Variants in CHD9 observed in about 807,000 individuals in gnomAD.
CHD9 encodes chromodomain helicase DNA binding protein 9, also known as ATP-dependent chromatin remodeler CHD9.
CHD9 carries 77 observed loss-of-function variants against 316.1 expected under a neutral mutation model. That is an observed-to-expected ratio of 0.24 (90% CI 0.20 to 0.29). The LOEUF (loss-of-function observed/expected upper bound fraction) is 0.29, where lower values mean the gene tolerates loss of function less well. CHD9 is among the 10% of genes least tolerant of loss of function. CHD9 has a pLI of 1.00. For synonymous variants in CHD9, 1,129 were observed against 1,158.3 expected (o/e 0.97, Z 0.51); for missense variants, 2,763 against 3,438.1 (o/e 0.80, Z 4.91).
chr16:53,208,523 A>AAG, intron 2 of CHD9: 5 of 1,057,452 alleles, frequency 4.7e-6, no homozygotes, highest in Non-Finnish European at 5.8e-6. Context: ...TGTAGGCCTT[A>AAG]AGGTGGCATT....
intron 2 of CHD9, among the ~76,000 whole-genome samples, chr16:53,162,990 C>CA (rs530807070): frequency 3.3e-5 from 5 of 151,608 alleles, no homozygotes; most frequent in Non-Finnish European, 7.4e-5. Flanking sequence ...AGGCTGGACT[C>CA]AAACTTCTGG....
chr16:53,114,808 C>G lies in CHD9; in HGVS notation c.-164-41118C>G, dbSNP rs2038162663. ...TTCACCGTGTTAGCCAGGATGGTCTCGATCTCCTGACCTCGTGATCCGCCC... is the reference window on the plus strand; with the variant it reads ...TTCACCGTGTTAGCCAGGATGGTCTGGATCTCCTGACCTCGTGATCCGCCC... On this transcript the variant is annotated intron_variant, in intron 1 of 38. Coordinates refer to ENST00000447540, the MANE Select transcript of CHD9 (RefSeq NM_001308319.2). 2.0e-5 allele frequency among the ~76,000 whole-genome samples: 3 copies of G among 149,960 alleles called. No homozygotes were observed. In the South Asian group the frequency reaches 6.3e-4, roughly 32 times the overall value.
intron 1 of CHD9, among the ~76,000 whole-genome samples, chr16:53,138,468 A>G (rs2039878045): frequency 6.6e-6 from 1 of 152,198 alleles, no homozygotes; most frequent in African/African-American, 2.4e-5. Flanking sequence ...ATGAATCAGA[A>G]AAGGAAGGAA....
Position 53,321,542 on chromosome 16 carries a change from C to T in CHD9, c.7730C>T (p.Ala2577Val). 6.5e-7 allele frequency: 1 copy of T among 1,543,224 alleles called. No homozygotes were observed. The highest frequency in any genetic ancestry group is 8.8e-7 in the Non-Finnish European group (1 of 1,138,634). ...AATTTACAGGTTGGAGGTGCATTTG[C>T]TCCCCCTTTGAAAGATTTATGTAGA... ...RNARKVGGAF[A>V]PPLKDLCRFL... The change falls in exon 38 of 39, where the codon GCT becomes GTT. Residue 2577 changes from alanine to valine, a missense_variant. Ala to Val is a moderately conservative substitution (Grantham distance 64, BLOSUM62 0). Around this residue, in one of 15 missense-constraint regions of CHD9, gnomAD observed 298 missense variants for 380.2 expected, o/e 0.78. Coordinates refer to ENST00000447540, the MANE Select transcript of CHD9 (RefSeq NM_001308319.2).
At chr16:53,119,865 A>C (rs2038602763) in intron 1 of CHD9, among the ~76,000 whole-genome samples, 1 of 151,932 alleles carries the variant, frequency 6.6e-6, no homozygotes, top group Non-Finnish European at 1.5e-5. Context: ...CAAGTCAAGA[A>C]ATGTCCAGGG....
chr16:53,163,230 G>A (rs2042042160), intron 2 of CHD9, among the ~76,000 whole-genome samples: 1 of 151,780 alleles, frequency 6.6e-6, no homozygotes, highest in Non-Finnish European at 1.5e-5. Flanking sequence ...TTTTTGTTGA[G>A]ACGGAGTTTC....
chr16:53,229,442 A>G (rs62049766), intron 8 of CHD9, among the ~76,000 whole-genome samples: 36,412 of 151,974 alleles, frequency 0.24, 4,699 homozygotes, highest in Middle Eastern at 0.32. Context: ...GGAAAATAAG[A>G]TTTTTCAGTA....
At chr16:53,293,562 G>A (rs1250604329) in intron 29 of CHD9, among the ~76,000 whole-genome samples, 1 of 152,158 alleles carries the variant, frequency 6.6e-6, no homozygotes, top group East Asian at 1.9e-4. Context: ...GCTGCAGTGA[G>A]ATGTGATTGT....
intron 35 of CHD9, 95 bp downstream of exon 35, chr16:53,314,611 T>C: frequency 9.0e-7 from 1 of 1,110,434 alleles, no homozygotes; most frequent in East Asian, 2.6e-5. Flanking sequence ...TTATAGACTA[T>C]TAGTAAGGAA....
rs181627356 is a variant in CHD9 at position 53,322,776 on chromosome 16, G to A, written c.7818+1146G>A. ...AAGGGCAGGCTATAAAACTAAGTTC[G>A]CTGTGATTCTATTTTTTTTGTTTCA... On this transcript the variant is annotated intron_variant, in intron 38 of 38. Coordinates refer to ENST00000447540, the MANE Select transcript of CHD9 (RefSeq NM_001308319.2). Among the ~76,000 whole-genome samples the A allele has an allele frequency of 1.2e-4, 18 of 152,154 alleles. No homozygotes were observed. The East Asian group carries it at 3.1e-3, about 26-fold the overall frequency.
intron 2 of CHD9, among the ~76,000 whole-genome samples, chr16:53,202,291 C>T (rs1393877866): frequency 6.6e-6 from 1 of 152,134 alleles, no homozygotes; most frequent in Non-Finnish European, 1.5e-5. Flanking sequence ...TTTATTTTTA[C>T]AGTTGGCTGG....
Position 53,156,967 on chromosome 16 carries a change from T to C in CHD9, c.878T>C (p.Leu293Pro). ...AGTCTACTTCAGTCCTCTGCAGTTC[T>C]TGCATCTAATCATACAAATCAGACT... ...PNSLLQSSAVLASNHTNQTLS... is the reference protein window; with the variant it reads ...PNSLLQSSAVPASNHTNQTLS... Residue 293 changes from leucine (L) to proline (P), a missense_variant, in exon 2 of 39, where the codon CTT becomes CCT. By Grantham distance (98) the Leu-to-Pro change is moderately conservative. Around this residue, in one of 15 missense-constraint regions of CHD9, gnomAD observed 859 missense variants for 890.4 expected, o/e 0.96. Transcript: ENST00000447540. 1 of 1,613,042 alleles carries C rather than the reference T, an allele frequency of 6.2e-7. No homozygotes were observed. The highest frequency in any genetic ancestry group is 1.1e-5 in the South Asian group (1 of 91,060).
rs72797685 is a variant in CHD9 at position 53,185,055 on chromosome 16, G to A, written c.1453-24427G>A. Among the ~76,000 whole-genome samples, 445 of 152,308 alleles carry A rather than the reference G, an allele frequency of 2.9e-3. 11 individuals carry two copies. In the East Asian group the frequency reaches 0.075, roughly 26 times the overall value. ...GTTTTGGGAAGTTCTTTATAGCAAT[G>A]TGAGAACAAACTAATACAGTAAATT... On this transcript the variant is annotated intron_variant, in intron 2 of 38. Transcript: ENST00000447540.
chr16:53,307,324 A>G (rs1360931312), intron 32 of CHD9, among the ~76,000 whole-genome samples: 5 of 152,050 alleles, frequency 3.3e-5, no homozygotes, highest in Non-Finnish European at 7.4e-5. Context: ...GCTGGAGTAT[A>G]GTGGCACAAT....
In CHD9 at chr16:53,074,841, G is replaced by A. The variant is rs912111359; in HGVS notation, c.-165+19764G>A. Among the ~76,000 whole-genome samples the A allele has an allele frequency of 4.6e-5, 7 of 152,248 alleles. No homozygotes were observed. The East Asian group carries it at 1.2e-3, about 25-fold the overall frequency. ...ACCTCTGCTAGGGCAGTGCAGAAGG[G>A]AAATGTGAGGTTGGAGCCCCCACAC... On this transcript the variant is annotated intron_variant, in intron 1 of 38. Transcript: ENST00000447540.
intron 1 of CHD9, among the ~76,000 whole-genome samples, chr16:53,064,277 A>T (rs1165535932): frequency 1.3e-5 from 2 of 152,040 alleles, no homozygotes; most frequent in Non-Finnish European, 2.9e-5. Flanking sequence ...AGTTCCTTCT[A>T]CTAGTTTCTG....
At position 53,285,643 on chromosome 16, in the gene CHD9, C is replaced by G; in HGVS notation, c.5015C>G (p.Ala1672Gly). ...GAACCAGACCACTCAGAAGTTCCTG[C>G]TGAGTGGTGGGATTTTGATGCTGAT... ...VPEPDHSEVP[A>G]EWWDFDADKS... The change falls in exon 25 of 39, where the codon GCT becomes GGT. Residue 1672 changes from alanine (A) to glycine (G), a missense_variant. Ala to Gly is a moderately conservative substitution (Grantham distance 60). Transcript: ENST00000447540. 1 of 1,607,682 alleles carries G rather than the reference C, an allele frequency of 6.2e-7. No homozygotes were observed.
chr16:53,155,836 C>G, intron 1 of CHD9, 90 bp from the exon 2 acceptor site: 1 of 420,540 alleles, frequency 2.4e-6, no homozygotes, highest in Non-Finnish European at 4.2e-6. Context: ...TGACCTCTTT[C>G]ACTTAGCATA....
At chr16:53,299,214 C>T (rs922617841) in intron 30 of CHD9, 1 of 155,354 alleles carries the variant, frequency 6.4e-6, no homozygotes, top group East Asian at 1.9e-4. Context: ...CCGAAATTGA[C>T]AAGCTGATAA....
Sources: allele counts gnomAD v4.1 joint callset (sites outside exome capture counted in the v4.1 genomes callset), GRCh38; gene constraint gnomAD v4.1.1; regional missense constraint gnomAD v4.1.1; transcripts MANE v1.5; gene names NCBI Gene and HGNC (gene_info 2026-07-23, HGNC 2026-07-21).